Variants in PLEKHA5 observed in about 807,000 individuals in gnomAD.
PLEKHA5 encodes the protein pleckstrin homology domain containing A5.
A neutral mutation model predicts 181.9 loss-of-function variants in PLEKHA5; 55 were observed. The ratio of observed to expected loss-of-function variants is 0.30; its 90% CI spans 0.24 to 0.38. PLEKHA5 has a LOEUF of 0.38. Among genes scored for constraint, PLEKHA5 ranks in the 10% least tolerant of loss-of-function variants. PLEKHA5 has a pLI of 1.00. For missense variants in PLEKHA5, 1,432 were observed against 1,549.5 expected (o/e 0.92, Z 1.27); for synonymous variants, 535 against 529.4 (o/e 1.01, Z -0.15).
At chr12:19,169,646 C>T (rs1350588267) in intron 3 of PLEKHA5, among the ~76,000 whole-genome samples, 1 of 152,124 alleles carries the variant, frequency 6.6e-6, no homozygotes, top group Non-Finnish European at 1.5e-5. Flanking sequence ...TGGAAGAACC[C>T]ATACAAGTCT....
intron 3 of PLEKHA5, among the ~76,000 whole-genome samples, chr12:19,211,364 G>C (rs1479315732): frequency 6.6e-6 from 1 of 151,988 alleles, no homozygotes; most frequent in Non-Finnish European, 1.5e-5. Flanking sequence ...GGTGGGGAGG[G>C]CGGTGGCGAA....
At chr12:19,310,626 A>AAG (rs2086144637) in intron 15 of PLEKHA5, among the ~76,000 whole-genome samples, 1 of 149,278 alleles carries the variant, frequency 6.7e-6, no homozygotes, top group Non-Finnish European at 1.5e-5. Context: ...AAAAAAAAAA[A>AAG]AGAATGCAGG....
At chr12:19,343,233 TA>T in intron 21 of PLEKHA5, 89 bp from the exon 22 acceptor site, 1 of 673,512 alleles carries the variant, frequency 1.5e-6, no homozygotes, top group South Asian at 2.8e-5. Context: ...TTTGCATTTT[TA>T]GATGTAATTT....
At chr12:19,286,357 C>A (rs570246274) in intron 12 of PLEKHA5, among the ~76,000 whole-genome samples, 2 of 152,226 alleles carry the variant, frequency 1.3e-5, no homozygotes, top group East Asian at 3.9e-4. Flanking sequence ...TTGTAACTAA[C>A]CTTTAAAAAA....
chr12:19,306,463 T>A, intron 15 of PLEKHA5: 2 of 618,572 alleles, frequency 3.2e-6, no homozygotes, highest in East Asian at 3.9e-5. Context: ...GATACCCACC[T>A]CCCACGAACC....
At chr12:19,327,637 CT>C (rs1565621940) in intron 20 of PLEKHA5, among the ~76,000 whole-genome samples, 2 of 27,140 alleles carry the variant, frequency 7.4e-5, no homozygotes, top group South Asian at 3.1e-3. Context: ...TTACTTTTTT[CT>C]TTTTTCTTTT....
rs987339865 is a variant in PLEKHA5 at position 19,274,996 on chromosome 12, C to A, written c.1313+13C>A. 5 of 1,561,244 alleles carry A rather than the reference C, an allele frequency of 3.2e-6. No homozygotes were observed. The Admixed American group carries it at 8.6e-5, about 27-fold the overall frequency. On this transcript the variant is annotated intron_variant, in intron 11 of 31. Coordinates refer to ENST00000429027, the MANE Select transcript of PLEKHA5 (RefSeq NM_001256470.2). ...AAGAAACCAGGGGGTAAGTGTCTGT[C>A]TTGTCATTATGAACCCAGGTTTCTT...
chr12:19,308,456 A>G (rs1391657697), intron 15 of PLEKHA5, among the ~76,000 whole-genome samples: 2 of 152,220 alleles, frequency 1.3e-5, no homozygotes, highest in African/African-American at 2.4e-5. Context: ...GTGAAATCTG[A>G]TGGTGTAACC....
chr12:19,137,068 A>T (rs1403465849), intron 3 of PLEKHA5, among the ~76,000 whole-genome samples: 2 of 151,414 alleles, frequency 1.3e-5, no homozygotes, highest in Admixed American at 1.3e-4. Flanking sequence ...TTTGAGACGG[A>T]GTTTCACTCT....
intron 26 of PLEKHA5, among the ~76,000 whole-genome samples, chr12:19,356,732 C>G (rs2153227820): frequency 7.3e-6 from 1 of 137,326 alleles, no homozygotes. Context: ...GTGATCTCAG[C>G]TCATTGCAAC....
chr12:19,334,739 G>T (rs1039201651), intron 20 of PLEKHA5, among the ~76,000 whole-genome samples: 11 of 145,438 alleles, frequency 7.6e-5, no homozygotes, highest in Admixed American at 2.1e-4. Context: ...TCAGCACTAT[G>T]AGAGGCCAAG....
At chr12:19,343,898 C>CA (rs1368506188) in intron 22 of PLEKHA5, among the ~76,000 whole-genome samples, 2 of 151,820 alleles carry the variant, frequency 1.3e-5, no homozygotes, top group Non-Finnish European at 1.5e-5. Context: ...ACTAAAAATA[C>CA]AAAAAAAGCC....
chr12:19,307,968 G>A (rs963436149), intron 15 of PLEKHA5, among the ~76,000 whole-genome samples: 13 of 151,648 alleles, frequency 8.6e-5, no homozygotes, highest in Non-Finnish European at 1.9e-4. Context: ...GTATGAAAGA[G>A]AACGATCAAC....
intron 6 of PLEKHA5, among the ~76,000 whole-genome samples, chr12:19,258,561 C>CTTTTTTTTTTTTTTTTT (rs71440398): frequency 4.0e-5 from 5 of 123,798 alleles, no homozygotes; most frequent in Admixed American, 1.9e-4. Context: ...TTTTCTTTTT[C>CTTTTTTTTTTTTTTTTT]TTTTTTTTTT....
chr12:19,211,965 C>CA (rs1483212456), intron 3 of PLEKHA5, among the ~76,000 whole-genome samples: 1 of 152,152 alleles, frequency 6.6e-6, no homozygotes, highest in Non-Finnish European at 1.5e-5. Flanking sequence ...GTCAGATAAA[C>CA]AACTTGGTTT....
intron 11 of PLEKHA5, among the ~76,000 whole-genome samples, chr12:19,278,346 A>G (rs2075163763): frequency 6.6e-6 from 1 of 152,162 alleles, no homozygotes; most frequent in Non-Finnish European, 1.5e-5. Flanking sequence ...GCACTTGACA[A>G]AAGTGTTTTA....
chr12:19,318,275 T>C (rs1184675430), intron 16 of PLEKHA5, among the ~76,000 whole-genome samples: 1 of 152,036 alleles, frequency 6.6e-6, no homozygotes, highest in African/African-American at 2.4e-5. Flanking sequence ...ATTTCGGTGG[T>C]ACTAAAAGTA....
intron 16 of PLEKHA5, among the ~76,000 whole-genome samples, chr12:19,317,913 A>T (rs1262472630): frequency 6.7e-6 from 1 of 148,762 alleles, no homozygotes; most frequent in Non-Finnish European, 1.5e-5. Context: ...GAAGTATTCA[A>T]ACCAAACCTT....
intron 28 of PLEKHA5, among the ~76,000 whole-genome samples, chr12:19,360,991 G>A (rs1418619380): frequency 6.6e-6 from 1 of 152,036 alleles, no homozygotes; most frequent in Non-Finnish European, 1.5e-5. Flanking sequence ...TCCTGACCTC[G>A]TGATCTGCCC....
Sources: allele counts gnomAD v4.1 joint callset (sites outside exome capture counted in the v4.1 genomes callset), GRCh38; gene constraint gnomAD v4.1.1; transcripts MANE v1.5; gene names NCBI Gene and HGNC (gene_info 2026-07-23, HGNC 2026-07-21).